The following ADORA2B variants were observed in gnomAD, a reference collection of about 807,000 sequenced individuals.
ADORA2B encodes the protein adenosine receptor A2b.
In ADORA2B, 18 loss-of-function variants were observed where a neutral mutation model predicts 20.8. That is an observed-to-expected ratio of 0.87 (90% CI 0.60 to 1.29). The LOEUF (loss-of-function observed/expected upper bound fraction) is 1.29. Ranked by LOEUF, ADORA2B falls within the 50% of genes most tolerant of loss-of-function variation. The probability of loss-of-function intolerance (pLI) is 0.00; values close to 1 mark genes in which losing one functional copy is unlikely to be tolerated. For synonymous variants in ADORA2B, 179 were observed against 178.3 expected, an observed-to-expected ratio of 1.00 and a Z score of -0.03; for missense variants, 441 against 422.7, an observed-to-expected ratio of 1.04 and a Z score of -0.38.
the ADORA2B span, among the ~76,000 whole-genome samples, chr17:15,905,664 T>A: frequency 2.0e-5 from 3 of 149,198 alleles, no homozygotes; most frequent in Admixed American, 6.7e-5. Flanking sequence ...ACCCAGCTGG[T>A]TTCTTTTTTA....
At chr17:15,933,019 C>T in the ADORA2B span, among the ~76,000 whole-genome samples, 1 of 150,140 alleles carries the variant, frequency 6.7e-6, no homozygotes, top group Admixed American at 6.6e-5. Flanking sequence ...GCAGTGGCAC[C>T]ATCTCGGCTC....
the ADORA2B span, among the ~76,000 whole-genome samples, chr17:15,912,200 A>G: frequency 2.0e-5 from 3 of 147,916 alleles, no homozygotes; most frequent in African/African-American, 5.0e-5. Context: ...GGGTGACAGA[A>G]TAAGACTCTG....
chr17:15,921,197 C>T, the ADORA2B span, among the ~76,000 whole-genome samples: 1 of 152,198 alleles, frequency 6.6e-6, no homozygotes, highest in Non-Finnish European at 1.5e-5. Flanking sequence ...CAAGCTGAGC[C>T]TGGGGATTTG....
chr17:15,942,675 C>T (rs1057058259), upstream of ADORA2B, among the ~76,000 whole-genome samples: 11 of 152,150 alleles, frequency 7.2e-5, no homozygotes, highest in African/African-American at 1.7e-4. Context: ...AGACACCGTT[C>T]GCCTCCTCTC....
At chr17:15,927,560 T>A in the ADORA2B span, among the ~76,000 whole-genome samples, 33 of 151,952 alleles carry the variant, frequency 2.2e-4, no homozygotes, top group Non-Finnish European at 4.0e-4. Context: ...GGCAGGAGAA[T>A]CGCTTGAACT....
At chr17:15,875,891 G>A in the ADORA2B span, among the ~76,000 whole-genome samples, 1 of 152,206 alleles carries the variant, frequency 6.6e-6, no homozygotes, top group East Asian at 1.9e-4. Flanking sequence ...TGTTTACTTA[G>A]TTTTCTATGT....
At chr17:15,962,787 G>A (rs911467730) in intron 1 of ADORA2B, among the ~76,000 whole-genome samples, 1 of 152,134 alleles carries the variant, frequency 6.6e-6, no homozygotes, top group African/African-American at 2.4e-5. Flanking sequence ...CAAAGTGCTG[G>A]GATTACAGGC....
chr17:15,972,892 T>C (rs2151611339), intron 1 of ADORA2B, among the ~76,000 whole-genome samples: 1 of 152,290 alleles, frequency 6.6e-6, no homozygotes, highest in Middle Eastern at 3.4e-3. Context: ...CCGAAATAGC[T>C]GGAACCACAG....
chr17:15,937,391 T>C, the ADORA2B span, among the ~76,000 whole-genome samples: 13 of 152,202 alleles, frequency 8.5e-5, no homozygotes, highest in African/African-American at 3.1e-4. Flanking sequence ...AAGGACTTAG[T>C]GTGTGTGTTG....
the ADORA2B span, among the ~76,000 whole-genome samples, chr17:15,872,265 T>C: frequency 6.6e-6 from 1 of 152,208 alleles, no homozygotes; most frequent in Non-Finnish European, 1.5e-5. Context: ...GGTTTAAATA[T>C]ACAGTTTGGT....
chr17:15,898,127 A>G, the ADORA2B span, among the ~76,000 whole-genome samples: 1 of 152,192 alleles, frequency 6.6e-6, no homozygotes, highest in Non-Finnish European at 1.5e-5. Context: ...ACATCTGACC[A>G]GGGTGGAGTA....
At chr17:15,862,117 A>G in the ADORA2B span, among the ~76,000 whole-genome samples, 1 of 151,268 alleles carries the variant, frequency 6.6e-6, no homozygotes, top group Non-Finnish European at 1.5e-5. Context: ...CTCTTTATTT[A>G]AAGGTCAAAA....
At chr17:15,881,520 C>G in the ADORA2B span, among the ~76,000 whole-genome samples, 2 of 152,238 alleles carry the variant, frequency 1.3e-5, no homozygotes, top group African/African-American at 4.8e-5. Flanking sequence ...TCACTACTTT[C>G]TATTTCCAAA....
chr17:15,867,291 G>T, the ADORA2B span, among the ~76,000 whole-genome samples: 1 of 151,738 alleles, frequency 6.6e-6, no homozygotes, highest in East Asian at 1.9e-4. Flanking sequence ...GCCCAGTCTG[G>T]AAAGTGAGGA....
chr17:15,955,958 G>C (rs1040129366), intron 1 of ADORA2B, among the ~76,000 whole-genome samples: 4 of 152,036 alleles, frequency 2.6e-5, no homozygotes, highest in Admixed American at 1.3e-4. Context: ...GACCTCAAGC[G>C]ATCTGCCTGC....
chr17:15,915,346 T>C, the ADORA2B span, among the ~76,000 whole-genome samples: 1 of 152,248 alleles, frequency 6.6e-6, no homozygotes, highest in Non-Finnish European at 1.5e-5. Flanking sequence ...CTATTCTCTC[T>C]ATTGCAAGGT....
chr17:15,923,071 G>C, the ADORA2B span, among the ~76,000 whole-genome samples: 2 of 151,494 alleles, frequency 1.3e-5, no homozygotes, highest in Non-Finnish European at 2.9e-5. Context: ...CACCCAGGCT[G>C]GAGTGCAGTG....
chr17:15,935,283 A>C, the ADORA2B span, among the ~76,000 whole-genome samples: 1 of 151,942 alleles, frequency 6.6e-6, no homozygotes, highest in African/African-American at 2.4e-5. Flanking sequence ...TACTCTCTTA[A>C]TATCTGCTTC....
chr17:15,861,391 A>G, the ADORA2B span, among the ~76,000 whole-genome samples: 1,435 of 152,174 alleles, frequency 9.4e-3, 30 homozygotes, highest in African/African-American at 0.032. Context: ...TGTTGGGTGG[A>G]TGGATAGGTG....
Sources: allele counts gnomAD v4.1 joint callset (sites outside exome capture counted in the v4.1 genomes callset), GRCh38; gene constraint gnomAD v4.1.1; transcripts MANE v1.5; gene names NCBI Gene and HGNC (gene_info 2026-07-23, HGNC 2026-07-21).